The following RBMS2 variants were observed in gnomAD, a reference collection of about 807,000 sequenced individuals.
RBMS2 encodes RNA-binding motif, single-stranded-interacting protein 2.
Under a neutral mutation model 58.4 loss-of-function variants are expected in RBMS2, and 38 were observed. The ratio of observed to expected loss-of-function variants is 0.65; its 90% CI spans 0.50 to 0.85. The LOEUF (loss-of-function observed/expected upper bound fraction) is 0.85, where lower values mean the gene tolerates loss of function less well. Ranked by LOEUF, RBMS2 falls within the 40% of genes least tolerant of loss-of-function variation. RBMS2 has a pLI of 0.00. For missense variants in RBMS2, 367 were observed against 503.7 expected, an observed-to-expected ratio of 0.73 and a Z score of 2.60; for synonymous variants, 151 against 180.7, an observed-to-expected ratio of 0.84 and a Z score of 1.32.
At position 56,592,019 on chromosome 12, in the gene RBMS2, CAGTGGGTG is replaced by C. The variant is rs1466477038; in HGVS notation, c.*2891_*2898del. 6.6e-5 allele frequency: 10 copies of C among 152,022 alleles called. No individual in the cohort carries two copies. Among genetic ancestry groups the C allele is most frequent in the Admixed American group, 2.0e-4 (3 of 15,262 alleles). The allele number at this position is 152,022 out of a possible 1,614,324, so 9.4% of individuals were successfully genotyped here. A position where few individuals can be genotyped will look rare whatever the true frequency, so the allele number is the denominator to read the frequency against. ...CTCCTAATTGTTAGTTCATTTGTAA[CAGTGGGTG>C]AGTGTTTGGAGGAAAGGAGGGAGAA... On this transcript the variant is annotated 3_prime_UTR_variant, in exon 14 of 14. Coordinates refer to ENST00000262031, the MANE Select transcript of RBMS2 (RefSeq NM_002898.4).
intron 11 of RBMS2, 61 bp downstream of exon 11, chr12:56,587,725 C>G (rs17118813): frequency 3.2e-6 from 5 of 1,539,658 alleles, no homozygotes; most frequent in Non-Finnish European, 3.5e-6. Flanking sequence ...CTGTGTAATA[C>G]TCTTCAGCGT....
At position 56,593,574 on chromosome 12, in the gene RBMS2, T is replaced by A. The variant is rs1005990678; in HGVS notation, c.*4441T>A. 3.3e-5 allele frequency: 5 copies of A among 149,658 alleles called. No individual in the cohort carries two copies. The highest frequency in any genetic ancestry group is 1.2e-4 in the African/African-American group (5 of 40,296). 9.3% of individuals were successfully genotyped at this position (149,658 alleles called of 1,614,324 possible). On this transcript the variant is annotated 3_prime_UTR_variant, in exon 14 of 14. Transcript: ENST00000262031. ...TTTTTATTTTTTCTTTGAGACGGAG[T>A]CTCGCTCTGTCGCCCAGGCTGGAGT...
chr12:56,575,710 C>T (rs377192582), intron 5 of RBMS2, among the ~76,000 whole-genome samples: 1 of 152,048 alleles, frequency 6.6e-6, no homozygotes, highest in Non-Finnish European at 1.5e-5. Context: ...GCCTGACCAA[C>T]GTGGAAAAAC....
chr12:56,523,267 A>G (rs1230925204), intron 1 of RBMS2, among the ~76,000 whole-genome samples: 1 of 152,200 alleles, frequency 6.6e-6, no homozygotes, highest in African/African-American at 2.4e-5. Context: ...ACAAATCCTG[A>G]GATCCAATGT....
rs564788503 is a variant in RBMS2 at position 56,571,847 on chromosome 12, C to G, written c.534C>G (p.Gly178=). The G allele has an allele frequency of 6.4e-7, 1 of 1,552,436 alleles. No homozygotes were observed. Among genetic ancestry groups the G allele is most frequent in the African/African-American group, 1.4e-5 (1 of 72,772 alleles). The change falls in exon 5 of 14, where the codon GGC becomes GGG. Residue 178 remains glycine, a synonymous_variant. Coordinates refer to ENST00000262031, the MANE Select transcript of RBMS2 (RefSeq NM_002898.4). The stretch of plus-strand genomic sequence containing the variant: ...CCAGTGGGACCAGCAGAGGTGTTGG[C>G]TTTGCAAGGTGAGGATGGCAGGAGT... ...RDTSGTSRGV[G]FARMESTEKC... is the part of the protein sequence containing the mutation.
chr12:56,526,082 A>C (rs1423790163), intron 1 of RBMS2, among the ~76,000 whole-genome samples: 3 of 151,900 alleles, frequency 2.0e-5, no homozygotes, highest in African/African-American at 7.3e-5. Context: ...GGAAGTGGGC[A>C]GATGGCTCAA....
chr12:56,581,320 T>A, intron 6 of RBMS2, 57 bp downstream of exon 6: 1 of 1,587,366 alleles, frequency 6.3e-7, no homozygotes, highest in Non-Finnish European at 8.7e-7. Flanking sequence ...CCAGTGAAGA[T>A]TCTGGAGCAG....
rs761164067 is a variant in RBMS2 at position 56,587,595 on chromosome 12, C to T, written c.993C>T (p.Leu331=). 4 of 1,614,098 alleles carry T rather than the reference C, an allele frequency of 2.5e-6. No homozygotes were observed. The South Asian group carries it at 3.3e-5, about 13-fold the overall frequency. Reference sequence around the variant, plus strand: ...CAGGGATGGACCATCCCATTTCTCTCCAGCCTGCCTCCATGATGGGACCCC... The same window carrying T: ...CAGGGATGGACCATCCCATTTCTCTTCAGCCTGCCTCCATGATGGGACCCC... ...LTPGMDHPIS[L]QPASMMGPLT... Residue 331 remains leucine (L), a synonymous_variant, in exon 11 of 14, where the codon CTC becomes CTT. Coordinates refer to ENST00000262031, the MANE Select transcript of RBMS2 (RefSeq NM_002898.4).
At chr12:56,573,003 A>G in intron 5 of RBMS2, 1 of 976,120 alleles carries the variant, frequency 1.0e-6, no homozygotes, top group South Asian at 4.7e-5. Context: ...CACTTAAGAA[A>G]TGGCTCTGCT....
At chr12:56,527,013 G>A (rs757749850) in intron 1 of RBMS2, among the ~76,000 whole-genome samples, 16 of 152,088 alleles carry the variant, frequency 1.1e-4, no homozygotes, top group Admixed American at 3.3e-4. Context: ...GAAGACTGAT[G>A]GGGAGTAGGA....
chr12:56,553,456 GT>G (rs1216397913), intron 1 of RBMS2, among the ~76,000 whole-genome samples: 1 of 152,002 alleles, frequency 6.6e-6, no homozygotes, highest in African/African-American at 2.4e-5. Context: ...AGCCTCCCCA[GT>G]ACTAAGATTA....
chr12:56,566,828 A>G (rs900949160), intron 2 of RBMS2, among the ~76,000 whole-genome samples: 2 of 152,306 alleles, frequency 1.3e-5, no homozygotes, highest in South Asian at 2.1e-4. Flanking sequence ...CAGAAAACAA[A>G]AAGAAAACAC....
chr12:56,550,307 ATTGC>A (rs1190088405), intron 1 of RBMS2, among the ~76,000 whole-genome samples: 1 of 152,108 alleles, frequency 6.6e-6, no homozygotes, highest in East Asian at 1.9e-4. Context: ...AGGTGGGCAG[ATTGC>A]TTGAGCTCAG....
At chr12:56,561,706 C>T (rs1320142619) in intron 1 of RBMS2, among the ~76,000 whole-genome samples, 5 of 144,310 alleles carry the variant, frequency 3.5e-5, no homozygotes, top group South Asian at 2.2e-4. Flanking sequence ...TTAGTATAAA[C>T]GGGGGTTCAC....
chr12:56,546,444 T>C (rs1448808100), intron 1 of RBMS2, among the ~76,000 whole-genome samples: 2 of 114,198 alleles, frequency 1.8e-5, no homozygotes, highest in South Asian at 3.5e-4. Flanking sequence ...ATATAATATG[T>C]ATAATAAAAT....
At chr12:56,544,583 C>T (rs568664516) in intron 1 of RBMS2, among the ~76,000 whole-genome samples, 2 of 152,012 alleles carry the variant, frequency 1.3e-5, no homozygotes, top group South Asian at 4.2e-4. Flanking sequence ...TCTGTCTACC[C>T]ATCCTCATCA....
intron 5 of RBMS2, among the ~76,000 whole-genome samples, chr12:56,579,359 G>A (rs2950391): frequency 0.11 from 16,942 of 152,078 alleles, 1,135 homozygotes; most frequent in South Asian, 0.19. Context: ...GGCTGGTTGC[G>A]GTGACTCATG....
At chr12:56,544,753 A>G (rs187297733) in intron 1 of RBMS2, among the ~76,000 whole-genome samples, 2,093 of 36,854 alleles carry the variant, frequency 0.057, 63 homozygotes, top group African/African-American at 0.13. Flanking sequence ...GCTAATTTTT[A>G]ATTTTTTTTT....
intron 1 of RBMS2, among the ~76,000 whole-genome samples, chr12:56,525,955 G>A (rs940136856): frequency 4.0e-5 from 6 of 151,192 alleles, no homozygotes; most frequent in East Asian, 2.0e-4. Context: ...GAGCCACCAC[G>A]CCCTACCTAT....
Sources: gnomAD v4.1 joint callset for allele counts (sites outside exome capture counted in the v4.1 genomes callset) on GRCh38, gnomAD v4.1.1 for gene constraint, MANE v1.5 for transcripts, NCBI Gene and HGNC (gene_info 2026-07-23, HGNC 2026-07-21) for gene names.